TMC5: variants seen among roughly 807,000 people sequenced by gnomAD.
TMC5 encodes the protein transmembrane channel-like protein 5.
A neutral mutation model predicts 110.5 loss-of-function variants in TMC5; 86 were observed. The observed-to-expected ratio is 0.78, with a 90% CI of 0.65 to 0.93. The LOEUF (loss-of-function observed/expected upper bound fraction) is 0.93. TMC5 is among the 40% of genes least tolerant of loss of function. The pLI is 0.00. For synonymous variants in TMC5, 455 were observed against 439.5 expected, an observed-to-expected ratio of 1.04 and a Z score of -0.44; for missense variants, 1,144 against 1,222.8, an observed-to-expected ratio of 0.94 and a Z score of 0.96.
intron 5 of TMC5, among the ~76,000 whole-genome samples, chr16:19,457,706 A>ATTTTTTTTTT (rs1555483103): frequency 2.4e-5 from 1 of 41,078 alleles, no homozygotes; most frequent in Non-Finnish European, 8.0e-5. Context: ...CCAAGACTAC[A>ATTTTTTTTTT]TTCTTTTTTT....
At chr16:19,493,900 A>C (rs1200696182) in intron 19 of TMC5, among the ~76,000 whole-genome samples, 1 of 150,836 alleles carries the variant, frequency 6.6e-6, no homozygotes, top group Non-Finnish European at 1.5e-5. Flanking sequence ...TTTTGTTTTG[A>C]CATGGAGTCT....
chr16:19,481,431 G>A lies in TMC5; in HGVS notation c.2329G>A (p.Val777Ile), dbSNP rs200637158. ...GLQEFDIARN[V>I]LELIYAQTLV... ...TCAGGAGTTTGACATTGCCAGGAAC[G>A]TTCTAGAACTGATCTATGCACAAAC... Residue 777 changes from valine to isoleucine, a missense_variant, in exon 15 of 22, where the codon GTT becomes ATT. Physicochemically the swap from Val to Ile is conservative, Grantham distance 29. Coordinates refer to ENST00000542583, the MANE Select transcript of TMC5 (RefSeq NM_001261841.2). 3.2e-5 allele frequency: 51 copies of A among 1,613,990 alleles called. No individual in the cohort carries two copies. Among genetic ancestry groups the A allele is most frequent in the African/African-American group, 1.1e-4 (8 of 75,034 alleles).
intron 5 of TMC5, among the ~76,000 whole-genome samples, chr16:19,452,665 C>T (rs1391778305): frequency 2.0e-5 from 3 of 152,014 alleles, no homozygotes; most frequent in Admixed American, 6.6e-5. Context: ...TGCAGTGAGC[C>T]GAGATCAAAG....
At chr16:19,443,108 T>C (rs1028373622) in intron 3 of TMC5, among the ~76,000 whole-genome samples, 2 of 152,220 alleles carry the variant, frequency 1.3e-5, no homozygotes, top group Non-Finnish European at 2.9e-5. Flanking sequence ...CTTGACCTTA[T>C]ACTCTAGGTC....
intron 15 of TMC5, among the ~76,000 whole-genome samples, chr16:19,483,809 G>A (rs1968673600): frequency 6.6e-6 from 1 of 151,520 alleles, no homozygotes; most frequent in Non-Finnish European, 1.5e-5. Context: ...GAAAAGGCCA[G>A]GCACGGTGGC....
At chr16:19,477,568 C>A in intron 13 of TMC5, 50 bp downstream of exon 13, 2 of 1,294,044 alleles carry the variant, frequency 1.5e-6, no homozygotes, top group Non-Finnish European at 1.1e-6. Context: ...AGCATTTGAC[C>A]AACAGGGAGG....
At chr16:19,482,273 G>GA (rs1403085528) in intron 15 of TMC5, among the ~76,000 whole-genome samples, 2 of 152,080 alleles carry the variant, frequency 1.3e-5, no homozygotes, top group Non-Finnish European at 2.9e-5. Context: ...GGCCAGGCTG[G>GA]TCTTGAACTC....
At chr16:19,470,466 C>T (rs913637020) in intron 10 of TMC5, among the ~76,000 whole-genome samples, 2 of 152,146 alleles carry the variant, frequency 1.3e-5, no homozygotes, top group South Asian at 2.1e-4. Flanking sequence ...GGATTACAGG[C>T]GTGAGCCAGC....
chr16:19,421,056 T>C (rs912313472), intron 1 of TMC5, among the ~76,000 whole-genome samples: 11 of 152,124 alleles, frequency 7.2e-5, no homozygotes, highest in Admixed American at 1.3e-4. Flanking sequence ...TAACAGGACC[T>C]GGCAGTATGA....
chr16:19,475,056 C>T (rs867758011), intron 12 of TMC5, among the ~76,000 whole-genome samples: 1 of 152,190 alleles, frequency 6.6e-6, no homozygotes, highest in Non-Finnish European at 1.5e-5. Context: ...ATACACAAAG[C>T]CTGGAACTGC....
At chr16:19,426,563 G>T (rs1274026549) in intron 1 of TMC5, among the ~76,000 whole-genome samples, 2 of 152,112 alleles carry the variant, frequency 1.3e-5, no homozygotes, top group Non-Finnish European at 2.9e-5. Flanking sequence ...GCAAGAGCCA[G>T]GATGTGCACC....
At chr16:19,480,424 G>A (rs891452745) in intron 14 of TMC5, among the ~76,000 whole-genome samples, 3 of 152,108 alleles carry the variant, frequency 2.0e-5, no homozygotes, top group African/African-American at 4.8e-5. Context: ...TATTTTCTCA[G>A]TGGATAGATT....
At chr16:19,446,461 C>T (rs1967617489) in intron 4 of TMC5, among the ~76,000 whole-genome samples, 1 of 152,224 alleles carries the variant, frequency 6.6e-6, no homozygotes, top group Non-Finnish European at 1.5e-5. Context: ...GCAAGTGGAA[C>T]GTATAACTGC....
intron 21 of TMC5, among the ~76,000 whole-genome samples, chr16:19,497,550 T>A (rs914277463): frequency 9.2e-5 from 14 of 152,202 alleles, no homozygotes; most frequent in Admixed American, 1.3e-4. Context: ...TATGAACCAA[T>A]TGTTGTGGGT....
At chr16:19,459,358 A>C (rs748192295) in intron 5 of TMC5, among the ~76,000 whole-genome samples, 2 of 152,224 alleles carry the variant, frequency 1.3e-5, no homozygotes, top group Non-Finnish European at 2.9e-5. Context: ...GCAAATGTGA[A>C]TATGAGTTAG....
In TMC5 at chr16:19,466,509, G is replaced by A. The variant is rs576452910; in HGVS notation, c.1637+276G>A. ...TAGGATTACAGGCACCTGCCACCAC[G>A]CCCCGCTAATGTTTGTATTTTTAAT... On this transcript the variant is annotated intron_variant, in intron 9 of 21. Coordinates refer to ENST00000542583, the MANE Select transcript of TMC5 (RefSeq NM_001261841.2). Among the ~76,000 whole-genome samples, 40 of 152,104 alleles carry A rather than the reference G, an allele frequency of 2.6e-4. 2 individuals carry two copies. In the South Asian group the frequency reaches 4.8e-3, roughly 18 times the overall value.
chr16:19,429,090 T>A (rs1222708479), intron 1 of TMC5, among the ~76,000 whole-genome samples: 1 of 152,178 alleles, frequency 6.6e-6, no homozygotes, highest in Non-Finnish European at 1.5e-5. Context: ...CCTCCCAAAG[T>A]GCTGGGATTA....
At chr16:19,415,396 A>G (rs932558051), upstream of TMC5, among the ~76,000 whole-genome samples, 2 of 152,152 alleles carry the variant, frequency 1.3e-5, no homozygotes, top group African/African-American at 4.8e-5. Context: ...CCATTCCTGA[A>G]GACATTTTTG....
intron 11 of TMC5, among the ~76,000 whole-genome samples, chr16:19,472,802 C>T (rs1968377797): frequency 6.6e-6 from 1 of 152,184 alleles, no homozygotes; most frequent in South Asian, 2.1e-4. Flanking sequence ...ACCCAGGTTA[C>T]CCTGGCTCCA....
Sources: gnomAD v4.1 joint callset for allele counts (sites outside exome capture counted in the v4.1 genomes callset) on GRCh38, gnomAD v4.1.1 for gene constraint, MANE v1.5 for transcripts, NCBI Gene and HGNC (gene_info 2026-07-23, HGNC 2026-07-21) for gene names.